Variants in SIL1 observed in about 807,000 individuals in gnomAD.
SIL1 encodes the protein nucleotide exchange factor SIL1.
Under a neutral mutation model 49.1 loss-of-function variants are expected in SIL1, and 40 were observed. The observed-to-expected ratio is 0.81, with a 90% CI of 0.63 to 1.06. The LOEUF is 1.06. Among genes scored for constraint, SIL1 ranks in the 50% least tolerant of loss-of-function variants. SIL1 has a pLI of 0.00. For synonymous variants in SIL1, 253 were observed against 250.8 expected (o/e 1.01, Z -0.08); for missense variants, 500 against 572.6 (o/e 0.87, Z 1.29).
chr5:138,951,263 GC>G lies in SIL1; in HGVS notation c.936del (p.Leu313CysfsTer4). On this transcript the variant is annotated frameshift_variant, in exon 9 of 10. Coordinates refer to ENST00000394817, the MANE Select transcript of SIL1 (RefSeq NM_022464.5). LOFTEE classifies it high-confidence loss of function. ...YAQRQFLKLG[G>X]LQVLRTLVQE... ...TGCACCAGGGTCCTCAGGACCTGCA[GC>G]CCCCCGAGCTTCAGGAACTGCCGCT... The G allele has an allele frequency of 6.3e-7, 1 of 1,586,960 alleles. No homozygotes were observed.
At chr5:138,955,289 C>A (rs137947160) in intron 7 of SIL1, among the ~76,000 whole-genome samples, 4 of 152,284 alleles carry the variant, frequency 2.6e-5, no homozygotes, top group East Asian at 3.9e-4. Context: ...AGGGCTAAGC[C>A]GGCTGGACTA....
chr5:139,133,647 C>T (rs1042598869), intron 1 of SIL1, among the ~76,000 whole-genome samples: 4 of 152,164 alleles, frequency 2.6e-5, no homozygotes, highest in African/African-American at 4.8e-5. Context: ...AGGACCAGAG[C>T]ACAGAAAGAA....
In SIL1 at chr5:139,163,717, A is replaced by T. The variant is rs572255161; in HGVS notation, c.-11+34552T>A. Among the ~76,000 whole-genome samples, 14 of 152,352 alleles carry T rather than the reference A, an allele frequency of 9.2e-5. No homozygotes were observed. The East Asian group carries it at 2.7e-3, about 29-fold the overall frequency. ...CAGTTATTAAATATGCACTAAGTGA[A>T]GGGCACTGTACTAAATGTATTAAAT... On this transcript the variant is annotated intron_variant, in intron 1 of 9. Transcript: ENST00000394817.
intron 3 of SIL1, among the ~76,000 whole-genome samples, chr5:139,087,697 G>A (rs1581090343): frequency 6.6e-6 from 1 of 152,162 alleles, no homozygotes; most frequent in East Asian, 1.9e-4. Flanking sequence ...TAGAGGAGGT[G>A]AGGCTGACAG....
At chr5:139,169,223 G>A (rs1180030800) in intron 1 of SIL1, among the ~76,000 whole-genome samples, 2 of 152,142 alleles carry the variant, frequency 1.3e-5, no homozygotes, top group African/African-American at 4.8e-5. Flanking sequence ...CACATGCCCA[G>A]GGGAAAGTGC....
intron 7 of SIL1, among the ~76,000 whole-genome samples, chr5:139,007,248 TTGGCTCTC>T (rs1235312013): frequency 7.8e-6 from 1 of 128,298 alleles, no homozygotes; most frequent in East Asian, 2.2e-4. Context: ...CACTCATGAT[TTGGCTCTC>T]TGTTTGTCTG....
At chr5:139,071,474 A>C (rs1294852636) in intron 3 of SIL1, among the ~76,000 whole-genome samples, 3 of 152,164 alleles carry the variant, frequency 2.0e-5, no homozygotes, top group Non-Finnish European at 4.4e-5. Context: ...TCACCTGGTA[A>C]TAACTCATTA....
At chr5:139,125,031 T>C (rs1345802807) in intron 2 of SIL1, among the ~76,000 whole-genome samples, 1 of 152,262 alleles carries the variant, frequency 6.6e-6, no homozygotes, top group Non-Finnish European at 1.5e-5. Flanking sequence ...TGAGATCACC[T>C]TAGCATATCT....
chr5:139,139,131 C>T (rs1350638971), intron 1 of SIL1, among the ~76,000 whole-genome samples: 1 of 152,178 alleles, frequency 6.6e-6, no homozygotes, highest in Non-Finnish European at 1.5e-5. Context: ...ACTGCTGGGA[C>T]CACTGTAGAC....
chr5:139,151,810 GA>G lies in SIL1; in HGVS notation c.-10-23958del, dbSNP rs931343156. 1.1e-4 allele frequency among the ~76,000 whole-genome samples: 16 copies of G among 151,322 alleles called. No homozygotes were observed. In the East Asian group the frequency reaches 2.1e-3, roughly 20 times the overall value. On this transcript the variant is annotated intron_variant, in intron 1 of 9. Transcript: ENST00000394817. ...ATTTCTGTCGGATATTTGGTTAATG[GA>G]AAAAAAAACTTTCAAAAGAGAAGGA...
At chr5:139,163,487 C>T (rs1379495675) in intron 1 of SIL1, among the ~76,000 whole-genome samples, 6 of 151,810 alleles carry the variant, frequency 4.0e-5, no homozygotes, top group East Asian at 3.9e-4. Flanking sequence ...CTCCTGCCTC[C>T]GCCTCCTGAG....
chr5:138,947,515 G>A lies in SIL1; in HGVS notation c.1030-42C>T, dbSNP rs776458748. On this transcript the variant is annotated intron_variant, in intron 9 of 9. Transcript: ENST00000394817. The surrounding 1 kb of genome is among the most constrained non-coding windows in gnomAD (Gnocchi z 4.1). ...CCGCAGGCCAGGTAGGGTGGGGGTG[G>A]GGAGAGAACACACAGGGAGCAGTTA... 1.5e-5 allele frequency: 23 copies of A among 1,573,066 alleles called. No homozygotes were observed. Among genetic ancestry groups the A allele is most frequent in the African/African-American group, 1.3e-5 (1 of 74,080 alleles).
At chr5:139,094,991 T>C (rs1055658027) in intron 3 of SIL1, among the ~76,000 whole-genome samples, 3 of 152,224 alleles carry the variant, frequency 2.0e-5, no homozygotes, top group African/African-American at 4.8e-5. Flanking sequence ...TCGTTGGTTT[T>C]GAGGAAGAAT....
At chr5:139,010,560 T>C (rs1398652156) in intron 7 of SIL1, among the ~76,000 whole-genome samples, 2 of 151,938 alleles carry the variant, frequency 1.3e-5, no homozygotes, top group Non-Finnish European at 2.9e-5. Context: ...AGCTTCCAGT[T>C]TTTCTGTTCT....
intron 3 of SIL1, among the ~76,000 whole-genome samples, chr5:139,060,270 C>CT (rs1046867956): frequency 1.5e-4 from 23 of 150,644 alleles, no homozygotes; most frequent in Non-Finnish European, 2.5e-4. Flanking sequence ...CTCTTACATA[C>CT]TTTTTTTTTG....
intron 3 of SIL1, among the ~76,000 whole-genome samples, chr5:139,069,996 T>A (rs1769795359): frequency 6.6e-6 from 1 of 152,002 alleles, no homozygotes; most frequent in Non-Finnish European, 1.5e-5. Flanking sequence ...AGAAAATACA[T>A]CCCAGACAAT....
chr5:139,066,899 T>C (rs1444121868), intron 3 of SIL1, among the ~76,000 whole-genome samples: 2 of 152,170 alleles, frequency 1.3e-5, no homozygotes, highest in Non-Finnish European at 1.5e-5. Flanking sequence ...AGACAGGGTT[T>C]CGCCATGTTG....
At chr5:139,106,791 C>T (rs1431970175) in intron 3 of SIL1, among the ~76,000 whole-genome samples, 1 of 152,224 alleles carries the variant, frequency 6.6e-6, no homozygotes, top group African/African-American at 2.4e-5. Flanking sequence ...GTACCTTTTA[C>T]ACTTAAGAAA....
rs148817827 is a variant in SIL1 at position 138,998,242 on chromosome 5, T to C, written c.767+22929A>G. On this transcript the variant is annotated intron_variant, in intron 7 of 9. Transcript: ENST00000394817. ...TTACTCAGGCTGGAGTGTGGTGGTGTGATCACAGCTCACTGAGGCTTCAAC... is the reference window on the plus strand; with the variant it reads ...TTACTCAGGCTGGAGTGTGGTGGTGCGATCACAGCTCACTGAGGCTTCAAC... Among the ~76,000 whole-genome samples, 23 of 152,278 alleles carry C rather than the reference T, an allele frequency of 1.5e-4. No individual in the cohort carries two copies. In the East Asian group the frequency reaches 4.4e-3, roughly 29 times the overall value.
Sources: allele counts gnomAD v4.1 joint callset (sites outside exome capture counted in the v4.1 genomes callset), GRCh38; gene constraint gnomAD v4.1.1; non-coding constraint Gnocchi (gnomAD v3.1); transcripts MANE v1.5; gene names NCBI Gene and HGNC (gene_info 2026-07-23, HGNC 2026-07-21).